The following LMLN variants were observed in gnomAD, a reference collection of about 807,000 sequenced individuals.
The protein encoded by LMLN is leishmanolysin like peptidase.
A neutral mutation model predicts 92.3 loss-of-function variants in LMLN; 70 were observed. That is an observed-to-expected ratio of 0.76 (90% CI 0.63 to 0.92). The LOEUF (loss-of-function observed/expected upper bound fraction) is 0.92, where lower values mean the gene tolerates loss of function less well. Ranked by LOEUF, LMLN falls within the 40% of genes least tolerant of loss-of-function variation. The pLI is 0.00. For synonymous variants in LMLN, 308 were observed against 296.2 expected, an observed-to-expected ratio of 1.04 and a Z score of -0.41; for missense variants, 691 against 814.6, an observed-to-expected ratio of 0.85 and a Z score of 1.85.
intron 1 of LMLN, among the ~76,000 whole-genome samples, chr3:197,970,979 A>T (rs901326766): frequency 3.3e-5 from 5 of 152,128 alleles, no homozygotes; most frequent in Middle Eastern, 3.2e-3. Context: ...TCTCAGATGT[A>T]TGTGAAATGT....
At chr3:197,973,974 A>T (rs1459707495) in intron 1 of LMLN, among the ~76,000 whole-genome samples, 1 of 152,226 alleles carries the variant, frequency 6.6e-6, no homozygotes, top group Non-Finnish European at 1.5e-5. Flanking sequence ...GAAAAAATTC[A>T]AAATGGAAAC....
chr3:198,043,385 A>G (rs1462095221), exon 16 of LMLN: 2 of 152,704 alleles, frequency 1.3e-5, no homozygotes, highest in South Asian at 2.1e-4. Context: ...CTCAGGGCAC[A>G]TGAGTCGTCG....
chr3:197,964,413 T>G (rs146576577), intron 1 of LMLN, among the ~76,000 whole-genome samples: 220 of 151,200 alleles, frequency 1.5e-3, no homozygotes, highest in African/African-American at 1.9e-3. Context: ...TTTGTTTTTT[T>G]TTTTTGAGAC....
intron 11 of LMLN, among the ~76,000 whole-genome samples, chr3:198,017,638 G>C (rs554754197): frequency 6.6e-6 from 1 of 151,960 alleles, no homozygotes; most frequent in Non-Finnish European, 1.5e-5. Context: ...GTTCCTCAGG[G>C]CCAGGCATGG....
At chr3:198,002,754 A>G (rs2109904758) in intron 11 of LMLN, among the ~76,000 whole-genome samples, 1 of 152,246 alleles carries the variant, frequency 6.6e-6, no homozygotes, top group East Asian at 1.9e-4. Context: ...AAATAAAGTG[A>G]AAATTACAAT....
At chr3:198,010,953 G>A (rs1161842274) in intron 11 of LMLN, among the ~76,000 whole-genome samples, 2 of 151,686 alleles carry the variant, frequency 1.3e-5, no homozygotes, top group Non-Finnish European at 2.9e-5. Context: ...TTGACCCATC[G>A]ATTATTTAGA....
chr3:197,966,589 C>T (rs1721067826), intron 1 of LMLN, among the ~76,000 whole-genome samples: 1 of 149,442 alleles, frequency 6.7e-6, no homozygotes, highest in Admixed American at 6.7e-5. Flanking sequence ...ATTTTGTTAA[C>T]TGTCTTTCCT....
At chr3:198,023,347 C>A (rs1399517290) in intron 13 of LMLN, among the ~76,000 whole-genome samples, 1 of 152,032 alleles carries the variant, frequency 6.6e-6, no homozygotes, top group Non-Finnish European at 1.5e-5. Context: ...CACCTCCACA[C>A]CTGACTAATT....
intron 15 of LMLN, among the ~76,000 whole-genome samples, chr3:198,037,246 C>G (rs1028317077): frequency 7.2e-5 from 11 of 152,174 alleles, no homozygotes; most frequent in African/African-American, 2.7e-4. Flanking sequence ...GAAACCAGTT[C>G]CCAGCCACCA....
rs555881744 is a variant in LMLN, at chr3:197,992,126, C to T, written c.1047+1450C>T. Among the ~76,000 whole-genome samples the T allele has an allele frequency of 4.0e-5, 6 of 151,784 alleles. No individual in the cohort carries two copies. In the East Asian group the frequency reaches 7.7e-4, roughly 20 times the overall value. The stretch of plus-strand genomic sequence containing the variant: ...AAAAAAGAAAAAAGGAAATTTCTTC[C>T]TCCCCTCATCTCATATTCTTTCTCT... On this transcript the variant is annotated intron_variant, in intron 9 of 15. Coordinates refer to ENST00000330198, the Ensembl canonical transcript of LMLN.
At chr3:197,964,123 C>T (rs186151627) in intron 1 of LMLN, among the ~76,000 whole-genome samples, 48 of 152,172 alleles carry the variant, frequency 3.2e-4, no homozygotes, top group Non-Finnish European at 5.7e-4. Flanking sequence ...TTGGGATAAA[C>T]CTTACTTGGT....
At chr3:198,007,058 TGTATTTTGG>T (rs1381794602) in intron 11 of LMLN, among the ~76,000 whole-genome samples, 1 of 145,392 alleles carries the variant, frequency 6.9e-6, no homozygotes, top group Non-Finnish European at 1.5e-5. Context: ...GAGTTCTTCA[TGTATTTTGG>T]GTATTTTGGG....
In LMLN at chr3:198,019,953, C is replaced by A. The variant is rs1027747232; in HGVS notation, c.1365+568C>A. Among the ~76,000 whole-genome samples, 5 of 152,112 alleles carry A rather than the reference C, an allele frequency of 3.3e-5. No homozygotes were observed. Among genetic ancestry groups the A allele is most frequent in the Non-Finnish European group, 7.4e-5 (5 of 68,024 alleles). On this transcript the variant is annotated intron_variant, in intron 12 of 15. Coordinates refer to ENST00000330198, the Ensembl canonical transcript of LMLN. The surrounding 1 kb of genome is among the most constrained non-coding windows in gnomAD (Gnocchi z 5.5). ...TCAGCTCACTGCAGCCTCCCCTTAC[C>A]AGATTCAAGCGATTCTTGTGCCTCA...
In LMLN at chr3:198,021,613, G is replaced by A. The variant is rs757907956; in HGVS notation, c.1525+8G>A. The A allele has an allele frequency of 2.3e-5, 37 of 1,612,204 alleles. No individual in the cohort carries two copies. Among genetic ancestry groups the A allele is most frequent in the South Asian group, 3.3e-5 (3 of 90,906 alleles). On this transcript the variant is annotated splice_region_variant and intron_variant, in intron 13 of 15. Transcript: ENST00000330198. ...TATTGGAAAATCAACCAGGTTAGTCGGCTAGTGAAATGAAGTATTATATAC... is the reference window on the plus strand; with the variant it reads ...TATTGGAAAATCAACCAGGTTAGTCAGCTAGTGAAATGAAGTATTATATAC...
chr3:197,985,810 G>T, exon 8 of LMLN: 1 of 1,612,658 alleles, frequency 6.2e-7, no homozygotes, highest in Non-Finnish European at 8.5e-7. Flanking sequence ...TCTCTGCTGG[G>T]CTGTTTGCAT....
chr3:197,983,647 A>G (rs1420369142), intron 6 of LMLN, among the ~76,000 whole-genome samples: 1 of 152,190 alleles, frequency 6.6e-6, no homozygotes, highest in African/African-American at 2.4e-5. Flanking sequence ...TGCAACTAAA[A>G]TAGTGTTAGA....
At chr3:197,990,338 C>T (rs540072339) in intron 8 of LMLN, among the ~76,000 whole-genome samples, 3 of 152,038 alleles carry the variant, frequency 2.0e-5, no homozygotes, top group African/African-American at 4.8e-5. Context: ...GCTGGGATTA[C>T]AGGTGTGAGC....
exon 16 of LMLN, chr3:198,038,701 A>G (rs770592771): frequency 1.3e-6 from 2 of 1,486,288 alleles, no homozygotes; most frequent in South Asian, 2.3e-5. Flanking sequence ...ATATTCTTTT[A>G]TGTTATGTTC....
intron 15 of LMLN, 72 bp downstream of exon 16, chr3:198,036,115 AT>A: frequency 7.3e-7 from 1 of 1,370,556 alleles, no homozygotes; most frequent in Non-Finnish European, 1.0e-6. Context: ...AAATGTTGGC[AT>A]TTCCCTTCAA....
Sources: gnomAD v4.1 joint callset for allele counts (sites outside exome capture counted in the v4.1 genomes callset) on GRCh38, gnomAD v4.1.1 for gene constraint, Gnocchi (gnomAD v3.1) non-coding constraint, MANE v1.5 for transcripts, NCBI Gene and HGNC (gene_info 2026-07-23, HGNC 2026-07-21) for gene names.